CENPE: variants seen among roughly 807,000 people sequenced by gnomAD.
CENPE encodes centromere-associated protein E.
Under a neutral mutation model 336.1 loss-of-function variants are expected in CENPE, and 145 were observed. The ratio of observed to expected loss-of-function variants is 0.43; its 90% confidence interval spans 0.38 to 0.50. CENPE has a LOEUF of 0.50. CENPE is among the 20% of genes least tolerant of loss of function. CENPE has a pLI of 0.00. For missense variants in CENPE, 2,719 were observed against 3,023.3 expected, an observed-to-expected ratio of 0.90 and a Z score of 2.36; for synonymous variants, 1,013 against 984.8, an observed-to-expected ratio of 1.03 and a Z score of -0.54.
intron 20 of CENPE, 45 bp from the exon 21 acceptor site, chr4:103,160,824 C>A: frequency 6.8e-7 from 1 of 1,473,006 alleles, no homozygotes; most frequent in Non-Finnish European, 9.1e-7. Context: ...TGTTGCCAAA[C>A]AGGTAATTTA....
intron 42 of CENPE, among the ~76,000 whole-genome samples, chr4:103,125,016 A>G (rs1202447002): frequency 6.6e-6 from 1 of 152,246 alleles, no homozygotes; most frequent in African/African-American, 2.4e-5. Context: ...AATTACAAAT[A>G]GACATGACCT....
intron 48 of CENPE, among the ~76,000 whole-genome samples, chr4:103,107,378 A>G (rs958147173): frequency 6.6e-6 from 1 of 152,200 alleles, no homozygotes; most frequent in East Asian, 1.9e-4. Context: ...GAGAATGGAT[A>G]GATTTTTTCT....
Position 103,140,273 on chromosome 4 carries a change from CT to C in CENPE, c.5895del (p.Asp1966MetfsTer20). ...SDIQKDLDKSKDELQKKIQEL... is the reference protein window; with the variant it reads ...SDIQKDLDKSXDELQKKIQEL... ...ACACATACCTTTTTCTGTAATTCAT[CT>C]TTTGATTTATCTAAATCCTTTTGAA... is the stretch of plus-strand genomic sequence containing the variant. On this transcript the variant is annotated frameshift_variant, in exon 37 of 49. Transcript: ENST00000265148. LOFTEE classifies it high-confidence loss of function. 1.3e-6 allele frequency: 2 copies of C among 1,593,476 alleles called. No individual in the cohort carries two copies. Among genetic ancestry groups the C allele is most frequent in the Non-Finnish European group, 1.7e-6 (2 of 1,173,550 alleles).
intron 23 of CENPE, 38 bp downstream of exon 23, chr4:103,158,576 T>C (rs761093647): frequency 6.2e-5 from 97 of 1,552,634 alleles, no homozygotes; most frequent in Non-Finnish European, 8.0e-5. Context: ...TTTTTAAGAG[T>C]CTCCAATTTT....
chr4:103,151,443 C>T, intron 25 of CENPE, 66 bp from the exon 26 acceptor site: 1 of 1,193,016 alleles, frequency 8.4e-7, no homozygotes, highest in Non-Finnish European at 1.1e-6. Flanking sequence ...TCAGGTAAAA[C>T]ATCAGCATTT....
At chr4:103,164,512 T>C (rs1429096453) in intron 16 of CENPE, among the ~76,000 whole-genome samples, 3 of 151,990 alleles carry the variant, frequency 2.0e-5, no homozygotes, top group African/African-American at 7.3e-5. Flanking sequence ...AAGAGAAACA[T>C]AATGTCAGAC....
At chr4:103,123,357 G>A (rs917040936) in intron 42 of CENPE, among the ~76,000 whole-genome samples, 1 of 152,110 alleles carries the variant, frequency 6.6e-6, no homozygotes, top group African/African-American at 2.4e-5. Flanking sequence ...TCACTTGATA[G>A]CCACCCTGAT....
intron 46 of CENPE, among the ~76,000 whole-genome samples, chr4:103,112,115 T>C (rs1749492750): frequency 6.6e-6 from 1 of 151,572 alleles, no homozygotes; most frequent in Non-Finnish European, 1.5e-5. Context: ...ATATACCATG[T>C]CCATATATAT....
chr4:103,150,478 G>A (rs1387353161), intron 26 of CENPE, among the ~76,000 whole-genome samples: 1 of 152,000 alleles, frequency 6.6e-6, no homozygotes. Context: ...AGCTACTCGG[G>A]AGGCTGAAGT....
At chr4:103,111,688 T>C (rs1019949650) in intron 46 of CENPE, among the ~76,000 whole-genome samples, 3 of 152,082 alleles carry the variant, frequency 2.0e-5, no homozygotes, top group Non-Finnish European at 4.4e-5. Flanking sequence ...CTGAAAGTCA[T>C]CTACAAATCA....
intron 5 of CENPE, 129 bp from the exon 6 acceptor site, chr4:103,194,813 T>C (rs190935128): frequency 4.0e-4 from 266 of 658,068 alleles, no homozygotes; most frequent in Non-Finnish European, 4.0e-4. Context: ...CATAATTCTG[T>C]AGGAATGTAA....
intron 46 of CENPE, among the ~76,000 whole-genome samples, chr4:103,114,059 T>G (rs1322647680): frequency 2.0e-5 from 3 of 152,126 alleles, no homozygotes; most frequent in Non-Finnish European, 4.4e-5. Flanking sequence ...ATAGTATTTA[T>G]TTTTACTGTA....
Position 103,141,909 on chromosome 4 carries a change from C to T in CENPE, c.5305-1G>A. 1 of 1,569,938 alleles carries T rather than the reference C, an allele frequency of 6.4e-7. No individual in the cohort carries two copies. Among genetic ancestry groups the T allele is most frequent in the Non-Finnish European group, 8.6e-7 (1 of 1,156,220 alleles). ...TTAGTTCCTCTTGTATTTTCAGATC[C>T]TTTACCATTAGAGAAATTTTAAAAA... On this transcript the variant is annotated splice_acceptor_variant, in intron 34 of 48. Coordinates refer to ENST00000265148, the MANE Select transcript of CENPE (RefSeq NM_001813.3). LOFTEE classifies it high-confidence loss of function.
chr4:103,119,037 C>T (rs1378934274), intron 44 of CENPE, among the ~76,000 whole-genome samples: 1 of 152,142 alleles, frequency 6.6e-6, no homozygotes, highest in Non-Finnish European at 1.5e-5. Flanking sequence ...ACTGGTGTGA[C>T]ATTCCTCAAC....
rs113044963 is a variant in CENPE, at chr4:103,162,930, A to G, written c.1842+207T>C. Among the ~76,000 whole-genome samples, 516 of 152,260 alleles carry G rather than the reference A, an allele frequency of 3.4e-3. 4 individuals carry two copies. Among genetic ancestry groups the G allele is most frequent in the African/African-American group, 0.012 (491 of 41,544 alleles). Reference sequence around the variant, plus strand: ...ATTTACTCAAAGGATGACATGATCAACTTTCCACAAATGTGACTTTATCTC... The same window carrying G: ...ATTTACTCAAAGGATGACATGATCAGCTTTCCACAAATGTGACTTTATCTC... On this transcript the variant is annotated intron_variant, in intron 18 of 48. Coordinates refer to ENST00000265148, the MANE Select transcript of CENPE (RefSeq NM_001813.3).
rs908935863 is a variant in CENPE, at chr4:103,182,152, C to T, written c.963+610G>A. 1.9e-4 allele frequency among the ~76,000 whole-genome samples: 29 copies of T among 150,762 alleles called. 1 individual carries two copies. The highest frequency in any genetic ancestry group is 1.9e-4 in the East Asian group (1 of 5,142). ...TGTTGCCTAGGCTGGAGTGCAATGG[C>T]GCGATCTCGGCTCACCGCAACCTCT... On this transcript the variant is annotated intron_variant, in intron 11 of 48. Coordinates refer to ENST00000265148, the MANE Select transcript of CENPE (RefSeq NM_001813.3).
intron 13 of CENPE, among the ~76,000 whole-genome samples, chr4:103,179,067 A>T (rs1362523144): frequency 6.6e-6 from 1 of 152,116 alleles, no homozygotes; most frequent in East Asian, 1.9e-4. Context: ...CCTTAACTCA[A>T]CCAATATTGT....
chr4:103,180,549 A>C, intron 12 of CENPE, 80 bp from the exon 13 acceptor site: 1 of 919,194 alleles, frequency 1.1e-6, no homozygotes, highest in Non-Finnish European at 1.6e-6. Flanking sequence ...AAAGAATAAA[A>C]TATTAAATTT....
chr4:103,156,483 AG>A (rs1408954222), intron 24 of CENPE, among the ~76,000 whole-genome samples: 2 of 152,220 alleles, frequency 1.3e-5, no homozygotes, highest in Non-Finnish European at 2.9e-5. Context: ...CAATGGGGAC[AG>A]GATGATCTTT....
Sources: gnomAD v4.1 joint callset for allele counts (sites outside exome capture counted in the v4.1 genomes callset) on GRCh38, gnomAD v4.1.1 for gene constraint, MANE v1.5 for transcripts, NCBI Gene and HGNC (gene_info 2026-07-23, HGNC 2026-07-21) for gene names.